XPO4: variants seen among roughly 807,000 people sequenced by gnomAD.
XPO4 encodes the protein exportin-4.
In XPO4, 39 loss-of-function variants were observed where a neutral mutation model predicts 143.0. The ratio of observed to expected loss-of-function variants is 0.27; its 90% CI spans 0.21 to 0.36. The LOEUF is 0.36. Ranked by LOEUF, XPO4 falls within the 10% of genes least tolerant of loss-of-function variation. The probability of loss-of-function intolerance (pLI) is 1.00; values close to 1 mark genes in which losing one functional copy is unlikely to be tolerated. For missense variants in XPO4, 907 were observed against 1,348.0 expected (o/e 0.67, Z 5.12); for synonymous variants, 439 against 474.0 (o/e 0.93, Z 0.96).
At position 20,779,630 on chromosome 13, in the gene XPO4, A is replaced by ACGGCCGACTTCAGCATTCT. The variant is rs2059118589; in HGVS notation, c.*4073_*4091dup. 1 of 152,602 alleles carries ACGGCCGACTTCAGCATTCT rather than the reference A, an allele frequency of 6.6e-6. No individual in the cohort carries two copies. Among genetic ancestry groups the ACGGCCGACTTCAGCATTCT allele is most frequent in the African/African-American group, 2.4e-5 (1 of 41,450 alleles). 9.5% of individuals were successfully genotyped at this position (152,602 alleles called of 1,614,324 possible). On this transcript the variant is annotated 3_prime_UTR_variant, in exon 23 of 23. Transcript: ENST00000255305. ...TCCCAGTTCCTAGGAGGGAATCGCC[A>ACGGCCGACTTCAGCATTCT]CGGCCGACTTCAGCATTCTCGTCTT...
At chr13:20,801,065 A>G in intron 13 of XPO4, 75 bp from the exon 14 acceptor site, 3 of 1,554,608 alleles carry the variant, frequency 1.9e-6, no homozygotes, top group Non-Finnish European at 2.6e-6. Context: ...TTTCCTTAAA[A>G]GTCCTTTTTT....
In XPO4 at chr13:20,778,493, T is replaced by C. The variant is rs900282875; in HGVS notation, c.*5229A>G. On this transcript the variant is annotated 3_prime_UTR_variant, in exon 23 of 23. Transcript: ENST00000255305. The stretch of plus-strand genomic sequence containing the variant: ...ACACAGTAATATGGTAATTCACCAC[T>C]TTCCCTGAAAGGCCAAAAAGAATGA... The C allele has an allele frequency of 1.3e-5, 2 of 152,214 alleles. No homozygotes were observed. The highest frequency in any genetic ancestry group is 2.4e-5 in the African/African-American group (1 of 41,456). The allele number at this position is 152,214 out of a possible 1,614,324, so 9.4% of individuals were successfully genotyped here.
At chr13:20,872,241 C>T (rs1197487275) in intron 1 of XPO4, among the ~76,000 whole-genome samples, 1 of 152,184 alleles carries the variant, frequency 6.6e-6, no homozygotes, top group East Asian at 1.9e-4. Context: ...TTAAGTTACC[C>T]TTCAAAAATC....
chr13:20,851,390 T>C (rs1488256854), intron 4 of XPO4: 1 of 985,412 alleles, frequency 1.0e-6, no homozygotes, highest in Non-Finnish European at 1.2e-6. Context: ...GATTTCCTAC[T>C]ATTACAGTAG....
chr13:20,787,153 T>G, intron 21 of XPO4, 96 bp from the exon 22 acceptor site: 1 of 1,011,228 alleles, frequency 9.9e-7, no homozygotes. Flanking sequence ...GGGTTGGTTG[T>G]TATTCTATTT....
chr13:20,884,966 G>T (rs929955587), intron 1 of XPO4, among the ~76,000 whole-genome samples: 1 of 151,978 alleles, frequency 6.6e-6, no homozygotes, highest in African/African-American at 2.4e-5. Flanking sequence ...TTTTTTGTTT[G>T]TTTGTTTGTT....
At chr13:20,810,125 T>A (rs542210271) in intron 9 of XPO4, among the ~76,000 whole-genome samples, 158 bp from the exon 10 acceptor site, 36 of 48,628 alleles carry the variant, frequency 7.4e-4, no homozygotes, top group African/African-American at 2.3e-3. Context: ...CTTTCTAAGT[T>A]CAAGTAAGTC....
chr13:20,790,602 G>A, intron 18 of XPO4, 22 bp from the exon 19 acceptor site: 1 of 1,573,694 alleles, frequency 6.4e-7, no homozygotes, highest in Non-Finnish European at 8.7e-7. Flanking sequence ...AAAGGATGCA[G>A]GCTTATGGTG....
rs115053232 is a variant in XPO4 at position 20,859,939 on chromosome 13, C to T, written c.317+2778G>A. 1,186 of 734,264 alleles carry T rather than the reference C, an allele frequency of 1.6e-3. 12 individuals carry two copies. In the African/African-American group the frequency reaches 0.021, roughly 13 times the overall value. 45.5% of individuals were successfully genotyped at this position (734,264 alleles called of 1,614,324 possible). Reference sequence around the variant, plus strand: ...CAGTGGTTCTCAGGTTGGGGAATGGCGACAAGGGGGAGAAAAGGCTATGAC... The same window carrying T: ...CAGTGGTTCTCAGGTTGGGGAATGGTGACAAGGGGGAGAAAAGGCTATGAC... On this transcript the variant is annotated intron_variant, in intron 3 of 22. Coordinates refer to ENST00000255305, the MANE Select transcript of XPO4 (RefSeq NM_022459.5).
chr13:20,816,047 GTTCAT>G (rs1396676216), intron 9 of XPO4, among the ~76,000 whole-genome samples: 5 of 152,104 alleles, frequency 3.3e-5, no homozygotes, highest in African/African-American at 7.2e-5. Flanking sequence ...ATACATAATC[GTTCAT>G]TTCATTATTC....
chr13:20,887,779 C>T (rs532904494), intron 1 of XPO4, among the ~76,000 whole-genome samples: 21 of 151,554 alleles, frequency 1.4e-4, no homozygotes, highest in African/African-American at 5.1e-4. Flanking sequence ...GTGAATCACT[C>T]GAATTCGGGA....
chr13:20,834,061 A>G (rs1464667645), intron 6 of XPO4, among the ~76,000 whole-genome samples: 1 of 152,182 alleles, frequency 6.6e-6, no homozygotes, highest in East Asian at 1.9e-4. Flanking sequence ...AGTGCAGAGG[A>G]ATTCGCTCTC....
chr13:20,806,096 C>T (rs539682147), intron 13 of XPO4, among the ~76,000 whole-genome samples: 2 of 152,220 alleles, frequency 1.3e-5, no homozygotes, highest in South Asian at 2.1e-4. Flanking sequence ...TATGACAGCA[C>T]CCTGAAATGA....
chr13:20,872,314 C>G (rs1261064948), intron 1 of XPO4, among the ~76,000 whole-genome samples: 1 of 152,210 alleles, frequency 6.6e-6, no homozygotes, highest in Non-Finnish European at 1.5e-5. Context: ...CCAAGCACAA[C>G]TAACATCTCT....
chr13:20,848,186 A>G, intron 4 of XPO4: 1 of 954,742 alleles, frequency 1.0e-6, no homozygotes, highest in Non-Finnish European at 1.2e-6. Flanking sequence ...GATCATTTTC[A>G]TTTGCTCACA....
chr13:20,854,590 T>C (rs926597209), intron 4 of XPO4, among the ~76,000 whole-genome samples: 4 of 152,226 alleles, frequency 2.6e-5, no homozygotes, highest in Non-Finnish European at 5.9e-5. Flanking sequence ...GATGTAATAA[T>C]ATCCGAGACT....
chr13:20,788,356 C>A, intron 20 of XPO4, 130 bp downstream of exon 20: 1 of 1,297,408 alleles, frequency 7.7e-7, no homozygotes, highest in Non-Finnish European at 1.0e-6. Flanking sequence ...CGTGCCTGGC[C>A]CAGGGTTTTT....
chr13:20,865,573 G>A, intron 2 of XPO4: 1 of 971,410 alleles, frequency 1.0e-6, no homozygotes, highest in Non-Finnish European at 1.2e-6. Context: ...TAATAATTAT[G>A]TAAATAAAAT....
intron 9 of XPO4, 83 bp from the exon 10 acceptor site, chr13:20,810,050 GT>G: frequency 8.5e-7 from 1 of 1,171,332 alleles, no homozygotes; most frequent in Non-Finnish European, 1.1e-6. Flanking sequence ...CATACAAATA[GT>G]TTAAATTTTT....
Sources: allele counts gnomAD v4.1 joint callset (sites outside exome capture counted in the v4.1 genomes callset), GRCh38; gene constraint gnomAD v4.1.1; transcripts MANE v1.5; gene names NCBI Gene and HGNC (gene_info 2026-07-23, HGNC 2026-07-21).